The following MYO3B variants were observed in gnomAD, a reference collection of about 807,000 sequenced individuals.
MYO3B encodes the protein myosin-IIIb.
A neutral mutation model predicts 174.6 loss-of-function variants in MYO3B; 156 were observed. The observed-to-expected ratio is 0.89, with a 90% CI of 0.78 to 1.02. The LOEUF is 1.02. Ranked by LOEUF, MYO3B falls within the 50% of genes least tolerant of loss-of-function variation. The pLI is 0.00. For synonymous variants in MYO3B, 563 were observed against 569.1 expected (o/e 0.99, Z 0.15); for missense variants, 1,632 against 1,639.4 (o/e 1.00, Z 0.08).
intron 30 of MYO3B, among the ~76,000 whole-genome samples, chr2:170,540,665 CA>C (rs916508856): frequency 6.7e-6 from 1 of 148,574 alleles, no homozygotes; most frequent in Admixed American, 6.6e-5. Context: ...CAAAAAACAA[CA>C]AAAAAAACAA....
rs113323701 is a variant in MYO3B, at chr2:170,445,340, A to ATT, written c.2730+1305_2730+1306dup. ...GACAGCACCACACTTGCGGGGATAC[A>ATT]TTTTTTTTTTTTATTTTTGAGACAG... is the stretch of plus-strand genomic sequence containing the variant. On this transcript the variant is annotated intron_variant, in intron 23 of 34. Transcript: ENST00000408978. Among the ~76,000 whole-genome samples the ATT allele has an allele frequency of 4.4e-3, 651 of 146,840 alleles. 3 individuals are homozygous for ATT. Among genetic ancestry groups the ATT allele is most frequent in the African/African-American group, 0.014 (583 of 40,280 alleles).
intron 30 of MYO3B, among the ~76,000 whole-genome samples, chr2:170,530,508 G>A (rs1425401174): frequency 6.6e-6 from 1 of 152,118 alleles, no homozygotes; most frequent in Admixed American, 6.5e-5. Context: ...TAATCTGAGG[G>A]GTTCTGCTTG....
At chr2:170,652,900 T>G in intron 34 of MYO3B, 83 bp from the exon 35 acceptor site, 1 of 1,509,732 alleles carries the variant, frequency 6.6e-7, no homozygotes, top group South Asian at 1.2e-5. Context: ...TTCCAGCTAC[T>G]CACATGACTT....
intron 22 of MYO3B, among the ~76,000 whole-genome samples, chr2:170,431,277 G>C (rs80075357): frequency 0.073 from 11,171 of 152,070 alleles, 497 homozygotes; most frequent in Middle Eastern, 0.14. Context: ...AATTCTCCTC[G>C]TTAAAAGAGA....
chr2:170,304,474 T>C (rs2093687209), intron 7 of MYO3B, among the ~76,000 whole-genome samples: 2 of 149,618 alleles, frequency 1.3e-5, no homozygotes, highest in African/African-American at 4.9e-5. Context: ...TTTTCTTTTT[T>C]TTTTTTTTGA....
chr2:170,486,918 C>T (rs1686104181), intron 25 of MYO3B, among the ~76,000 whole-genome samples: 1 of 152,206 alleles, frequency 6.6e-6, no homozygotes, highest in Admixed American at 6.5e-5. Flanking sequence ...AATCATTTCC[C>T]TTCTCCACTT....
At chr2:170,513,464 C>T (rs1252418776) in intron 28 of MYO3B, among the ~76,000 whole-genome samples, 2 of 152,220 alleles carry the variant, frequency 1.3e-5, no homozygotes, top group Non-Finnish European at 2.9e-5. Flanking sequence ...CACTGAGTCT[C>T]TCTGTGTCTT....
intron 28 of MYO3B, among the ~76,000 whole-genome samples, chr2:170,514,608 C>A (rs1688183429): frequency 6.6e-6 from 1 of 152,196 alleles, no homozygotes; most frequent in Admixed American, 6.5e-5. Flanking sequence ...CTGTGTTTGT[C>A]ACTGAGTTTC....
intron 32 of MYO3B, among the ~76,000 whole-genome samples, chr2:170,609,020 T>C (rs1368397967): frequency 6.6e-6 from 1 of 152,200 alleles, no homozygotes; most frequent in Non-Finnish European, 1.5e-5. Context: ...TGCTTAAATT[T>C]TCATAAATAC....
chr2:170,476,212 C>T (rs1685311632), intron 25 of MYO3B, among the ~76,000 whole-genome samples: 1 of 152,216 alleles, frequency 6.6e-6, no homozygotes, highest in Non-Finnish European at 1.5e-5. Context: ...CAGCCCCACT[C>T]TCCAAGTAGT....
chr2:170,509,784 G>C (rs1212308046), intron 28 of MYO3B, among the ~76,000 whole-genome samples: 1 of 72,570 alleles, frequency 1.4e-5, no homozygotes, highest in African/African-American at 7.0e-5. Flanking sequence ...TAAAATCTAG[G>C]AGCTAAATAT....
intron 3 of MYO3B, among the ~76,000 whole-genome samples, chr2:170,201,599 C>T (rs2092662536): frequency 7.5e-6 from 1 of 134,144 alleles, no homozygotes; most frequent in Non-Finnish European, 1.6e-5. Context: ...CATCAGTTGC[C>T]TTCCTCAGAA....
intron 32 of MYO3B, among the ~76,000 whole-genome samples, chr2:170,553,995 C>G (rs1691108648): frequency 6.6e-6 from 1 of 152,156 alleles, no homozygotes; most frequent in African/African-American, 2.4e-5. Flanking sequence ...TGAGGCCTCC[C>G]CAATCATGCC....
At chr2:170,250,630 T>C (rs1157250459) in intron 7 of MYO3B, among the ~76,000 whole-genome samples, 1 of 152,188 alleles carries the variant, frequency 6.6e-6, no homozygotes, top group African/African-American at 2.4e-5. Context: ...TCCTCTGCCT[T>C]TTTGCAAGGG....
chr2:170,401,282 A>G (rs992222056), intron 17 of MYO3B, among the ~76,000 whole-genome samples, 199 bp from the exon 18 acceptor site: 3 of 152,196 alleles, frequency 2.0e-5, no homozygotes, highest in Non-Finnish European at 4.4e-5. Context: ...AGCATCTATG[A>G]AGTAAGAGCT....
At chr2:170,295,208 T>TA (rs200254965) in intron 7 of MYO3B, among the ~76,000 whole-genome samples, 63 of 151,420 alleles carry the variant, frequency 4.2e-4, no homozygotes, top group East Asian at 7.7e-4. Context: ...TATTTGGATT[T>TA]AAAAAAAAAT....
chr2:170,269,921 A>G (rs1386627599), intron 7 of MYO3B, among the ~76,000 whole-genome samples: 1 of 152,210 alleles, frequency 6.6e-6, no homozygotes, highest in African/African-American at 2.4e-5. Flanking sequence ...CAGGGCAGGA[A>G]TAATTTGTAT....
At chr2:170,473,397 C>T (rs891275226) in intron 25 of MYO3B, among the ~76,000 whole-genome samples, 3 of 152,064 alleles carry the variant, frequency 2.0e-5, no homozygotes, top group Admixed American at 6.6e-5. Flanking sequence ...CCGCCTGCCT[C>T]GGCCTCCCAA....
intron 7 of MYO3B, among the ~76,000 whole-genome samples, chr2:170,312,991 A>G (rs1266794616): frequency 2.0e-5 from 3 of 152,216 alleles, no homozygotes; most frequent in South Asian, 4.1e-4. Flanking sequence ...TTTCTTAACC[A>G]TTATGGAATT....
Sources: gnomAD v4.1 joint callset for allele counts (sites outside exome capture counted in the v4.1 genomes callset) on GRCh38, gnomAD v4.1.1 for gene constraint, MANE v1.5 for transcripts, NCBI Gene and HGNC (gene_info 2026-07-23, HGNC 2026-07-21) for gene names.